Variants in ADAM12 observed in about 807,000 individuals in gnomAD.
ADAM12 encodes the protein disintegrin and metalloproteinase domain-containing protein 12.
ADAM12 carries 70 observed loss-of-function variants against 106.4 expected under a neutral mutation model. The observed-to-expected ratio is 0.66, with a 90% CI of 0.54 to 0.80. ADAM12 has a LOEUF of 0.80. Among genes scored for constraint, ADAM12 ranks in the 30% least tolerant of loss-of-function variants. ADAM12 has a pLI of 0.00. For missense variants in ADAM12, 1,010 were observed against 1,171.9 expected (o/e 0.86, Z 2.02); for synonymous variants, 420 against 433.5 (o/e 0.97, Z 0.39).
chr10:126,237,605 T>A (rs1330433611), intron 3 of ADAM12, among the ~76,000 whole-genome samples: 2 of 152,236 alleles, frequency 1.3e-5, no homozygotes, highest in Non-Finnish European at 2.9e-5. Context: ...TCTACTTGGT[T>A]TTCATCTTTA....
intron 3 of ADAM12, among the ~76,000 whole-genome samples, chr10:126,228,762 G>C (rs1249027460): frequency 6.6e-6 from 1 of 152,164 alleles, no homozygotes; most frequent in Non-Finnish European, 1.5e-5. Context: ...CTCTGCAGTA[G>C]ACATGGGCCA....
intron 1 of ADAM12, among the ~76,000 whole-genome samples, chr10:126,359,666 C>G (rs1220007119): frequency 6.6e-6 from 1 of 152,190 alleles, no homozygotes; most frequent in African/African-American, 2.4e-5. Context: ...CAGGGTACAG[C>G]CTCCCTCCTG....
At chr10:126,366,398 T>C (rs1249717675) in intron 1 of ADAM12, among the ~76,000 whole-genome samples, 1 of 152,094 alleles carries the variant, frequency 6.6e-6, no homozygotes, top group Non-Finnish European at 1.5e-5. Flanking sequence ...AAGTTAAAGA[T>C]ACATATTCTA....
At chr10:126,117,973 G>C in intron 6 of ADAM12, 65 bp downstream of exon 6, 1 of 1,550,538 alleles carries the variant, frequency 6.4e-7, no homozygotes, top group Non-Finnish European at 8.9e-7. Context: ...AGATGTCCTA[G>C]TGTGGGGTAT....
intron 1 of ADAM12, among the ~76,000 whole-genome samples, chr10:126,380,921 A>ATC (rs1856465800): frequency 6.6e-6 from 1 of 152,204 alleles, no homozygotes; most frequent in South Asian, 2.1e-4. Flanking sequence ...ATTTAGCTTA[A>ATC]GGAGGCCTCT....
chr10:126,388,181 G>A lies in ADAM12; in HGVS notation c.-36C>T, dbSNP rs1254847791. The A allele has an allele frequency of 1.2e-5, 14 of 1,202,458 alleles. No homozygotes were observed. The highest frequency in any genetic ancestry group is 3.3e-4 in the Middle Eastern group (1 of 3,058). The allele number at this position is 1,202,458 out of a possible 1,614,324, so 74.5% of individuals were successfully genotyped here. On this transcript the variant is annotated 5_prime_UTR_variant, in exon 1 of 23. Coordinates refer to ENST00000448723, the MANE Select transcript of ADAM12 (RefSeq NM_001288973.2). This position sits in a 1 kb window ranked among gnomAD's most constrained non-coding sequence, Gnocchi z 4.4. Reference sequence around the variant, plus strand: ...CTTCAGTGCAGCAGCTCTCGGGCCCGGCGGCGAGCGCTGCACCATCCCACG... The same window carrying A: ...CTTCAGTGCAGCAGCTCTCGGGCCCAGCGGCGAGCGCTGCACCATCCCACG...
At chr10:126,340,140 A>G (rs964077018) in intron 1 of ADAM12, among the ~76,000 whole-genome samples, 3 of 152,182 alleles carry the variant, frequency 2.0e-5, no homozygotes, top group African/African-American at 7.2e-5. Flanking sequence ...GGCATGAGCC[A>G]CAGTGCCCAG....
At chr10:126,356,553 G>T (rs148634669) in intron 1 of ADAM12, among the ~76,000 whole-genome samples, 1 of 152,174 alleles carries the variant, frequency 6.6e-6, no homozygotes, top group African/African-American at 2.4e-5. Flanking sequence ...CCCCAAATGC[G>T]CAAAAACCAG....
intron 3 of ADAM12, among the ~76,000 whole-genome samples, chr10:126,257,892 G>A (rs1958923784): frequency 6.6e-6 from 1 of 152,148 alleles, no homozygotes; most frequent in Non-Finnish European, 1.5e-5. Flanking sequence ...ATGGATTTCT[G>A]GACAACGGTG....
chr10:126,371,748 C>G (rs1281729539), intron 1 of ADAM12, among the ~76,000 whole-genome samples: 1 of 152,194 alleles, frequency 6.6e-6, no homozygotes, highest in Non-Finnish European at 1.5e-5. Flanking sequence ...CATGCCAACC[C>G]AATACCCTGA....
intron 3 of ADAM12, among the ~76,000 whole-genome samples, chr10:126,240,820 G>A (rs926562549): frequency 2.0e-5 from 3 of 152,216 alleles, no homozygotes; most frequent in East Asian, 1.9e-4. Context: ...AGGAGACGCC[G>A]GGTCCTTCTG....
intron 3 of ADAM12, among the ~76,000 whole-genome samples, chr10:126,234,786 G>A (rs1452313052): frequency 6.6e-6 from 1 of 152,198 alleles, no homozygotes; most frequent in African/African-American, 2.4e-5. Context: ...AATGGAGGGA[G>A]GATGGATCAG....
chr10:126,388,119 G>A lies in ADAM12; in HGVS notation c.27C>T (p.Ser9=). Residue 9 remains serine (S), a synonymous_variant, in exon 1 of 23, where the codon TCC becomes TCT. Transcript: ENST00000448723. The surrounding 1 kb of genome is among the most constrained non-coding windows in gnomAD (Gnocchi z 4.4). ...GGGCGAGCAGGAGGGCGCGGGCGGG[G>A]GACACGGGCAGCGGGCGCGCTGCCA... MAARPLPV[S]PARALLLALA... is the part of the protein sequence containing the mutation. 8.2e-7 allele frequency: 1 copy of A among 1,223,826 alleles called. No individual in the cohort carries two copies. Among genetic ancestry groups the A allele is most frequent in the Non-Finnish European group, 1.0e-6 (1 of 982,390 alleles). The allele number at this position is 1,223,826 out of a possible 1,614,324, so 75.8% of individuals were successfully genotyped here.
At chr10:126,258,727 C>T (rs1389328343) in intron 3 of ADAM12, among the ~76,000 whole-genome samples, 1 of 152,208 alleles carries the variant, frequency 6.6e-6, no homozygotes, top group African/African-American at 2.4e-5. Flanking sequence ...TGGCCTGAAA[C>T]TCTTCCTCCT....
At chr10:126,269,450 A>C (rs1959164166) in intron 3 of ADAM12, among the ~76,000 whole-genome samples, 2 of 152,150 alleles carry the variant, frequency 1.3e-5, no homozygotes, top group Admixed American at 6.5e-5. Flanking sequence ...CAATCAATGA[A>C]AGCATCATGG....
rs111610169 is a variant in ADAM12, at chr10:126,207,604, C to T, written c.261-52299G>A. Among the ~76,000 whole-genome samples the T allele has an allele frequency of 6.6e-4, 100 of 152,272 alleles. 1 individual carries two copies. Among genetic ancestry groups the T allele is most frequent in the African/African-American group, 2.3e-3 (95 of 41,540 alleles). On this transcript the variant is annotated intron_variant, in intron 3 of 22. Coordinates refer to ENST00000448723, the MANE Select transcript of ADAM12 (RefSeq NM_001288973.2). ...ATAAGCTCAATATAAAATACGATTG[C>T]TTCTGCTCCAATTATACTGACTCAT...
chr10:126,207,801 T>C (rs1957823566), intron 3 of ADAM12, among the ~76,000 whole-genome samples: 1 of 152,208 alleles, frequency 6.6e-6, no homozygotes, highest in African/African-American at 2.4e-5. Flanking sequence ...GTTTCACTCA[T>C]CTCTTTATCA....
intron 3 of ADAM12, among the ~76,000 whole-genome samples, chr10:126,187,348 T>C (rs549411172): frequency 6.0e-5 from 9 of 151,024 alleles, no homozygotes; most frequent in Non-Finnish European, 1.0e-4. Context: ...AAATTTAATG[T>C]TGCAAATAAA....
intron 1 of ADAM12, among the ~76,000 whole-genome samples, chr10:126,357,476 A>T (rs1387450740): frequency 1.3e-5 from 2 of 152,186 alleles, no homozygotes; most frequent in Non-Finnish European, 1.5e-5. Context: ...GAAAAGCCTG[A>T]TGGCTTTTCT....
Sources: allele counts gnomAD v4.1 joint callset (sites outside exome capture counted in the v4.1 genomes callset), GRCh38; gene constraint gnomAD v4.1.1; non-coding constraint Gnocchi (gnomAD v3.1); transcripts MANE v1.5; gene names NCBI Gene and HGNC (gene_info 2026-07-23, HGNC 2026-07-21).